COL21A1: variants seen among roughly 807,000 people sequenced by gnomAD.
COL21A1 encodes the protein collagen alpha-1(XXI) chain.
Under a neutral mutation model 137.9 loss-of-function variants are expected in COL21A1, and 149 were observed. The observed-to-expected ratio is 1.08, with a 90% confidence interval of 0.95 to 1.24. COL21A1 has a LOEUF of 1.24. COL21A1 is among the 50% of genes most tolerant of loss of function. COL21A1 has a pLI of 0.00. For synonymous variants in COL21A1, 456 were observed against 391.5 expected, an observed-to-expected ratio of 1.16 and a Z score of -1.95; for missense variants, 1,167 against 1,158.4, an observed-to-expected ratio of 1.01 and a Z score of -0.11.
At chr6:56,076,343 G>A (rs1361654455) in intron 18 of COL21A1, among the ~76,000 whole-genome samples, 1 of 151,336 alleles carries the variant, frequency 6.6e-6, no homozygotes. Flanking sequence ...GAAGCAATGA[G>A]CTCATGATAA....
chr6:56,059,416 TC>T (rs3830813), intron 28 of COL21A1, among the ~76,000 whole-genome samples, 174 bp from the exon 29 acceptor site: 86,211 of 151,976 alleles, frequency 0.57, 24,819 homozygotes, highest in East Asian at 0.83. Context: ...TCTAAAATGA[TC>T]AGTGGTTTAG....
intron 1 of COL21A1, among the ~76,000 whole-genome samples, chr6:56,349,072 T>G (rs577804600): frequency 6.6e-6 from 1 of 152,180 alleles, no homozygotes; most frequent in East Asian, 1.9e-4. Flanking sequence ...GTCCTTAAAG[T>G]GGAGAAAAGA....
intron 24 of COL21A1, among the ~76,000 whole-genome samples, chr6:56,063,096 T>C (rs1386415319): frequency 2.6e-5 from 4 of 152,156 alleles, no homozygotes; most frequent in Admixed American, 6.6e-5. Flanking sequence ...GTACTCCATG[T>C]AGGCTAAGCT....
At chr6:56,141,657 G>T in intron 12 of COL21A1, 128 bp downstream of exon 12, 1 of 946,344 alleles carries the variant, frequency 1.1e-6, no homozygotes. Context: ...AATAGCCACT[G>T]ACAAATTTCT....
chr6:56,134,985 C>T (rs973980139), intron 12 of COL21A1, among the ~76,000 whole-genome samples: 4 of 151,798 alleles, frequency 2.6e-5, no homozygotes, highest in Non-Finnish European at 5.9e-5. Context: ...AATACAAATG[C>T]TTACCTAACT....
chr6:56,096,509 T>C (rs1445332545), intron 17 of COL21A1, among the ~76,000 whole-genome samples: 1 of 152,220 alleles, frequency 6.6e-6, no homozygotes, highest in African/African-American at 2.4e-5. Flanking sequence ...TTAGGTATAA[T>C]TTACTACTTA....
At chr6:56,292,570 C>G (rs1323725441) in intron 1 of COL21A1, among the ~76,000 whole-genome samples, 1 of 152,178 alleles carries the variant, frequency 6.6e-6, no homozygotes, top group African/African-American at 2.4e-5. Flanking sequence ...TCTCCCTCTA[C>G]CAGGCATCTG....
At chr6:56,119,578 A>T (rs1168907301) in intron 16 of COL21A1, among the ~76,000 whole-genome samples, 1 of 152,216 alleles carries the variant, frequency 6.6e-6, no homozygotes, top group East Asian at 1.9e-4. Flanking sequence ...ATATGGAATC[A>T]CCAAAGACCC....
At position 56,097,934 on chromosome 6, in the gene COL21A1, TAAAAATATATATAAATATAA is replaced by T. The variant is rs1769614702; in HGVS notation, c.1812+3518_1812+3537del. ...AAATATATATAAATATATAAATATA[TAAAAATATATATAAATATAA>T]AAATATATATAAATATATAAATATA... On this transcript the variant is annotated intron_variant, in intron 17 of 29. Transcript: ENST00000244728. Among the ~76,000 whole-genome samples the T allele has an allele frequency of 1.6e-4, 13 of 82,838 alleles. 1 individual carries two copies. Among genetic ancestry groups the T allele is most frequent in the East Asian group, 5.5e-4 (2 of 3,638 alleles). The allele number at this position is 82,838 out of a possible 152,430, so 54.3% of individuals were successfully genotyped here. A position where few individuals can be genotyped will look rare whatever the true frequency, so the allele number is the denominator to read the frequency against.
At chr6:56,256,098 G>A (rs921986312) in intron 1 of COL21A1, among the ~76,000 whole-genome samples, 2 of 152,152 alleles carry the variant, frequency 1.3e-5, no homozygotes, top group African/African-American at 2.4e-5. Flanking sequence ...TAGTTGAGAC[G>A]TTAGCCCATT....
intron 1 of COL21A1, among the ~76,000 whole-genome samples, chr6:56,338,473 G>A (rs1765386478): frequency 1.3e-5 from 2 of 152,074 alleles, no homozygotes; most frequent in South Asian, 4.2e-4. Flanking sequence ...TCTCACCCTG[G>A]CCATCTACCC....
intron 1 of COL21A1, among the ~76,000 whole-genome samples, chr6:56,317,399 C>T (rs9475664): frequency 0.35 from 53,285 of 152,000 alleles, 10,137 homozygotes; most frequent in Non-Finnish European, 0.44. Flanking sequence ...CATACTGTCA[C>T]AATGCCTCTT....
chr6:56,158,322 G>C (rs570857376), intron 9 of COL21A1, among the ~76,000 whole-genome samples: 9 of 133,478 alleles, frequency 6.7e-5, no homozygotes, highest in Admixed American at 1.7e-4. Context: ...ACCCAGACTG[G>C]AGTGCAGTGG....
intron 5 of COL21A1, among the ~76,000 whole-genome samples, chr6:56,170,067 A>G (rs1422577773): frequency 1.3e-5 from 2 of 151,892 alleles, no homozygotes; most frequent in African/African-American, 4.8e-5. Context: ...TGAAAACATG[A>G]TTTTGAAAAT....
intron 14 of COL21A1, among the ~76,000 whole-genome samples, chr6:56,124,881 G>A (rs1473851606): frequency 6.6e-6 from 1 of 151,328 alleles, no homozygotes; most frequent in African/African-American, 2.4e-5. Context: ...TCCTGACTTC[G>A]TGATCTGCCC....
chr6:56,243,906 A>T (rs1355466966), intron 1 of COL21A1, among the ~76,000 whole-genome samples: 3 of 152,214 alleles, frequency 2.0e-5, no homozygotes, highest in African/African-American at 7.2e-5. Context: ...AGAAATAAAC[A>T]TTTCAACTTT....
chr6:56,315,310 CAT>C (rs751782848), intron 1 of COL21A1, among the ~76,000 whole-genome samples: 3 of 152,208 alleles, frequency 2.0e-5, no homozygotes, highest in Admixed American at 6.6e-5. Context: ...CAGATGAACA[CAT>C]AGGCTGACCA....
chr6:56,266,795 C>G (rs1336509392), intron 1 of COL21A1, among the ~76,000 whole-genome samples: 4 of 152,136 alleles, frequency 2.6e-5, no homozygotes, highest in African/African-American at 9.7e-5. Context: ...TCACTTTATT[C>G]TTTAAAGAAT....
chr6:56,384,600 G>A (rs2094014357), intron 1 of COL21A1, among the ~76,000 whole-genome samples: 1 of 152,188 alleles, frequency 6.6e-6, no homozygotes, highest in South Asian at 2.1e-4. Context: ...AAAGTACAAG[G>A]AGAAAGAGTA....
Sources: gnomAD v4.1 joint callset for allele counts (sites outside exome capture counted in the v4.1 genomes callset) on GRCh38, gnomAD v4.1.1 for gene constraint, MANE v1.5 for transcripts, NCBI Gene and HGNC (gene_info 2026-07-23, HGNC 2026-07-21) for gene names.